Variants in ARHGAP12 observed in about 807,000 individuals in gnomAD.
ARHGAP12 encodes the protein rho GTPase-activating protein 12.
A neutral mutation model predicts 108.6 loss-of-function variants in ARHGAP12; 64 were observed. The observed-to-expected ratio is 0.59, with a 90% CI of 0.48 to 0.73. The LOEUF (loss-of-function observed/expected upper bound fraction) is 0.73, where lower values mean the gene tolerates loss of function less well. ARHGAP12 is among the 30% of genes least tolerant of loss of function. The pLI, the probability that ARHGAP12 is intolerant of heterozygous loss-of-function variation, is 0.00. For missense variants in ARHGAP12, 940 were observed against 1,005.9 expected (o/e 0.93, Z 0.89); for synonymous variants, 312 against 337.2 (o/e 0.93, Z 0.82).
At chr10:31,841,771 A>C (rs1836278749) in intron 7 of ARHGAP12, among the ~76,000 whole-genome samples, 1 of 152,130 alleles carries the variant, frequency 6.6e-6, no homozygotes, top group Admixed American at 6.5e-5. Flanking sequence ...ACCTCACCCT[A>C]AGTTGCAGAG....
chr10:31,901,392 G>A lies in ARHGAP12; in HGVS notation c.684+6780C>T, dbSNP rs543384858. 2.3e-3 allele frequency among the ~76,000 whole-genome samples: 356 copies of A among 151,660 alleles called. 2 individuals are homozygous for A. The highest frequency in any genetic ancestry group is 6.6e-3 in the East Asian group (34 of 5,164). On this transcript the variant is annotated intron_variant, in intron 3 of 19. Transcript: ENST00000344936. ...ACTAAAAATACAAAAAAATTAGCTG[G>A]GAATGGTGGTGGATGCCTGGTCCCA...
chr10:31,909,763 GCATGCAC>G (rs1839273208), intron 2 of ARHGAP12, among the ~76,000 whole-genome samples: 1 of 152,142 alleles, frequency 6.6e-6, no homozygotes, highest in African/African-American at 2.4e-5. Flanking sequence ...GGGTGTGGTG[GCATGCAC>G]CTGTAGTCCC....
chr10:31,833,844 A>G (rs1592268270), intron 9 of ARHGAP12, among the ~76,000 whole-genome samples: 1 of 152,212 alleles, frequency 6.6e-6, no homozygotes, highest in Admixed American at 6.5e-5. Context: ...ACAGCATTTC[A>G]TATTTGAAGG....
rs1839211047 is a variant in ARHGAP12 at position 31,908,152 on chromosome 10, C to G, written c.684+20G>C. The G allele has an allele frequency of 5.2e-6, 8 of 1,539,516 alleles. No homozygotes were observed. In the South Asian group the frequency reaches 9.0e-5, roughly 17 times the overall value. On this transcript the variant is annotated intron_variant, in intron 3 of 19. Transcript: ENST00000344936. ...TCACTAGGGTGGTACAGTGTTTCCTCATTCTATTTTTAATCTTACCCTTAT... is the reference window on the plus strand; with the variant it reads ...TCACTAGGGTGGTACAGTGTTTCCTGATTCTATTTTTAATCTTACCCTTAT...
chr10:31,917,349 T>A (rs536126131), intron 1 of ARHGAP12, among the ~76,000 whole-genome samples: 3 of 152,150 alleles, frequency 2.0e-5, no homozygotes, highest in Non-Finnish European at 4.4e-5. Flanking sequence ...GAGGTTGCAG[T>A]GAGCCAAGAT....
intron 3 of ARHGAP12, among the ~76,000 whole-genome samples, chr10:31,889,179 A>G (rs1156948018): frequency 2.6e-5 from 4 of 152,156 alleles, no homozygotes; most frequent in Non-Finnish European, 5.9e-5. Flanking sequence ...CCCAAAGTGC[A>G]GCGATTACAG....
In ARHGAP12 at chr10:31,807,569, C is replaced by A; in HGVS notation, c.*89G>T. On this transcript the variant is annotated 3_prime_UTR_variant, in exon 20 of 20. Transcript: ENST00000344936. The stretch of plus-strand genomic sequence containing the variant: ...AAAGTGCAAAATCAAAGAGTCACTG[C>A]TTGGTCCAAAAAATAAAATACATTG... The A allele has an allele frequency of 1.5e-6, 2 of 1,367,684 alleles. No homozygotes were observed. Among genetic ancestry groups the A allele is most frequent in the Non-Finnish European group, 2.0e-6 (2 of 1,018,864 alleles). The allele number at this position is 1,367,684 out of a possible 1,614,324, so 84.7% of individuals were successfully genotyped here.
intron 15 of ARHGAP12, among the ~76,000 whole-genome samples, chr10:31,812,213 TA>T (rs1049944352): frequency 1.6e-4 from 25 of 151,948 alleles, no homozygotes; most frequent in African/African-American, 4.3e-4. Context: ...TATTTTCCTA[TA>T]AAAAAAAGAT....
chr10:31,810,914 C>T (rs1834993023), intron 15 of ARHGAP12, among the ~76,000 whole-genome samples, 167 bp from the exon 16 acceptor site: 1 of 152,186 alleles, frequency 6.6e-6, no homozygotes, highest in Admixed American at 6.5e-5. Context: ...TCACTTCAAA[C>T]AATTCGTTTC....
chr10:31,887,847 C>T (rs1163849916), intron 3 of ARHGAP12, among the ~76,000 whole-genome samples: 12 of 151,770 alleles, frequency 7.9e-5, no homozygotes, highest in Non-Finnish European at 1.5e-4. Flanking sequence ...TTAGTAGCGA[C>T]GGGGTTTCAC....
intron 1 of ARHGAP12, among the ~76,000 whole-genome samples, chr10:31,928,071 G>A (rs952035432): frequency 3.3e-5 from 5 of 152,192 alleles, no homozygotes; most frequent in African/African-American, 7.2e-5. Context: ...GACGCCCCAG[G>A]TGGATTCCCC....
intron 3 of ARHGAP12, among the ~76,000 whole-genome samples, chr10:31,873,164 C>T (rs1030418717): frequency 6.6e-6 from 1 of 152,176 alleles, no homozygotes; most frequent in Non-Finnish European, 1.5e-5. Context: ...ATATTTAACA[C>T]AATGTATCCA....
intron 3 of ARHGAP12, among the ~76,000 whole-genome samples, chr10:31,873,578 T>C (rs1430939386): frequency 6.6e-6 from 1 of 152,196 alleles, no homozygotes; most frequent in African/African-American, 2.4e-5. Context: ...TCCCACTAAG[T>C]TGTAAGCCCC....
rs183142094 is a variant in ARHGAP12 at position 31,807,580 on chromosome 10, A to G, written c.*78T>C. The G allele has an allele frequency of 2.1e-6, 3 of 1,451,004 alleles. No homozygotes were observed. The highest frequency in any genetic ancestry group is 2.5e-5 in the Admixed American group (1 of 40,058). 89.9% of individuals were successfully genotyped at this position (1,451,004 alleles called of 1,614,324 possible). On this transcript the variant is annotated 3_prime_UTR_variant, in exon 20 of 20. Coordinates refer to ENST00000344936, the MANE Select transcript of ARHGAP12 (RefSeq NM_018287.7). ...TCAAAGAGTCACTGCTTGGTCCAAAAAATAAAATACATTGTGTATAAACAT... is the reference window on the plus strand; with the variant it reads ...TCAAAGAGTCACTGCTTGGTCCAAAGAATAAAATACATTGTGTATAAACAT...
chr10:31,813,928 G>A (rs1469625118), intron 14 of ARHGAP12, among the ~76,000 whole-genome samples: 1 of 152,106 alleles, frequency 6.6e-6, no homozygotes. Context: ...ATTCTATGTA[G>A]AATCTTAAAC....
chr10:31,843,654 A>C, intron 6 of ARHGAP12, 68 bp from the exon 7 acceptor site: 1 of 1,479,492 alleles, frequency 6.8e-7, no homozygotes, highest in South Asian at 1.3e-5. Context: ...GTGGAATCTA[A>C]ACATCTTGGC....
rs1454683256 is a variant in ARHGAP12, at chr10:31,867,860, A to AGACTCACTG, written c.685-6203_685-6202insCAGTGAGTC. Among the ~76,000 whole-genome samples, 363 of 152,234 alleles carry AGACTCACTG rather than the reference A, an allele frequency of 2.4e-3. 3 individuals are homozygous for AGACTCACTG. The highest frequency in any genetic ancestry group is 8.3e-3 in the African/African-American group (346 of 41,526). ...ATCATGACTCAACAGATGAGGCAAT[A>AGACTCACTG]CTAATACTAGCAGTGAAAATGCTAT... is the stretch of plus-strand genomic sequence containing the variant. On this transcript the variant is annotated intron_variant, in intron 3 of 19. Transcript: ENST00000344936.
chr10:31,922,249 G>A (rs1357055567), intron 1 of ARHGAP12, among the ~76,000 whole-genome samples: 1 of 135,466 alleles, frequency 7.4e-6, no homozygotes, highest in African/African-American at 2.8e-5. Context: ...CAATCCTCTA[G>A]CCAAACTAAT....
At chr10:31,923,470 C>G (rs1839903867) in intron 1 of ARHGAP12, among the ~76,000 whole-genome samples, 1 of 152,126 alleles carries the variant, frequency 6.6e-6, no homozygotes, top group Non-Finnish European at 1.5e-5. Context: ...TATTTACCAA[C>G]AAAAATTAAA....
Sources: gnomAD v4.1 joint callset for allele counts (sites outside exome capture counted in the v4.1 genomes callset) on GRCh38, gnomAD v4.1.1 for gene constraint, MANE v1.5 for transcripts, NCBI Gene and HGNC (gene_info 2026-07-23, HGNC 2026-07-21) for gene names.